The following ABAT variants were observed in gnomAD, a reference collection of about 807,000 sequenced individuals.
The protein encoded by ABAT is 4-aminobutyrate aminotransferase, also known as 4-aminobutyrate aminotransferase, mitochondrial.
In ABAT, 45 loss-of-function variants were observed where a neutral mutation model predicts 64.6. That is an observed-to-expected ratio of 0.70 (90% CI 0.55 to 0.89). The LOEUF (loss-of-function observed/expected upper bound fraction) is 0.89, where lower values mean the gene tolerates loss of function less well. Among genes scored for constraint, ABAT ranks in the 40% least tolerant of loss-of-function variants. ABAT has a pLI of 0.00. For missense variants in ABAT, 633 were observed against 658.4 expected (o/e 0.96, Z 0.42); for synonymous variants, 297 against 250.5 (o/e 1.19, Z -1.75).
intron 1 of ABAT, among the ~76,000 whole-genome samples, chr16:8,721,250 C>A (rs1260726357): frequency 6.6e-6 from 1 of 152,190 alleles, no homozygotes; most frequent in Non-Finnish European, 1.5e-5. Flanking sequence ...GCACCTCACA[C>A]TCTGCCTCCA....
chr16:8,692,120 T>G (rs1307291093), intron 1 of ABAT, among the ~76,000 whole-genome samples: 1 of 152,116 alleles, frequency 6.6e-6, no homozygotes. Context: ...TGGGCTCATG[T>G]CTGTAATCCC....
At chr16:8,688,448 G>A (rs2057506678) in intron 1 of ABAT, among the ~76,000 whole-genome samples, 1 of 152,046 alleles carries the variant, frequency 6.6e-6, no homozygotes, top group Non-Finnish European at 1.5e-5. Flanking sequence ...TTCCCTTCCT[G>A]TACCTTTATT....
intron 2 of ABAT, chr16:8,738,482 T>C: frequency 4.4e-6 from 2 of 455,928 alleles, no homozygotes; most frequent in Non-Finnish European, 4.4e-6. Flanking sequence ...ATTTGTCTCA[T>C]CTTCCATGGC....
At chr16:8,710,710 GAGAGAGAGAGAGA>G (rs2058048557) in intron 1 of ABAT, among the ~76,000 whole-genome samples, 2 of 144,838 alleles carry the variant, frequency 1.4e-5, no homozygotes, top group Non-Finnish European at 3.0e-5. Flanking sequence ...GAGAGAGAGA[GAGAGAGAGAGAGA>G]GAGAGAGGAA....
intron 2 of ABAT, among the ~76,000 whole-genome samples, chr16:8,739,351 C>T (rs773903017): frequency 1.3e-5 from 2 of 152,194 alleles, no homozygotes; most frequent in Non-Finnish European, 1.5e-5. Context: ...ATCCAAGCCT[C>T]GGTTTTCTCA....
chr16:8,730,831 A>T (rs2058697332), intron 1 of ABAT, among the ~76,000 whole-genome samples: 1 of 152,188 alleles, frequency 6.6e-6, no homozygotes, highest in African/African-American at 2.4e-5. Flanking sequence ...GATATCTCTC[A>T]ACCCCAACGC....
rs149177959 is a variant in ABAT, at chr16:8,703,067, T to C, written c.-42+28356T>C. ...GACGAACACCTCTCTACTGTCAATG[T>C]ATTGTTTTTACGGGTACCTTGTATT... is the stretch of plus-strand genomic sequence containing the variant. On this transcript the variant is annotated intron_variant, in intron 1 of 15. Transcript: ENST00000268251. 4.2e-3 allele frequency among the ~76,000 whole-genome samples: 646 copies of C among 152,048 alleles called. 3 individuals are homozygous for C. Among genetic ancestry groups the C allele is most frequent in the Non-Finnish European group, 6.9e-3 (470 of 67,994 alleles).
At chr16:8,751,617 A>G (rs1046986153) in intron 5 of ABAT, among the ~76,000 whole-genome samples, 1 of 152,212 alleles carries the variant, frequency 6.6e-6, no homozygotes, top group African/African-American at 2.4e-5. Flanking sequence ...CCAGCCAGTC[A>G]TCGCCCATCA....
In ABAT at chr16:8,733,342, T is replaced by C. The variant is rs1352594245; in HGVS notation, c.-41-2357T>C. On this transcript the variant is annotated intron_variant, in intron 1 of 15. Coordinates refer to ENST00000268251, the MANE Select transcript of ABAT (RefSeq NM_020686.6). ...GGCCGGGCGGAGACGCTCCTCACTT[T>C]CCAGACTGGGCAGCCAGGCCGAGGG... 4.7e-5 allele frequency among the ~76,000 whole-genome samples: 7 copies of C among 149,896 alleles called. No individual in the cohort carries two copies. In the East Asian group the frequency reaches 5.9e-4, roughly 13 times the overall value.
chr16:8,681,581 T>C (rs2057334413), intron 1 of ABAT, among the ~76,000 whole-genome samples: 1 of 149,734 alleles, frequency 6.7e-6, no homozygotes, highest in Admixed American at 6.7e-5. Flanking sequence ...TTTGCAGAAA[T>C]AGTTAGGTTG....
intron 1 of ABAT, among the ~76,000 whole-genome samples, chr16:8,686,898 G>A (rs1188701331): frequency 1.3e-5 from 2 of 152,234 alleles, no homozygotes; most frequent in African/African-American, 4.8e-5. Context: ...GGTATGTGGA[G>A]AAAGTCTGAA....
intron 15 of ABAT, chr16:8,780,757 CA>C (rs2060410620): frequency 5.2e-6 from 1 of 192,152 alleles, no homozygotes; most frequent in Admixed American, 5.9e-5. Flanking sequence ...CGCGAGACTC[CA>C]TCTCTAAAAA....
intron 1 of ABAT, among the ~76,000 whole-genome samples, chr16:8,712,211 A>G (rs1013136612): frequency 6.6e-6 from 1 of 152,198 alleles, no homozygotes; most frequent in South Asian, 2.1e-4. Context: ...AGCCTGGATG[A>G]CAGAGCAAGA....
At position 8,764,523 on chromosome 16, in the gene ABAT, C is replaced by T. The variant is rs896576754; in HGVS notation, c.448-215C>T. Among the ~76,000 whole-genome samples, 6 of 152,214 alleles carry T rather than the reference C, an allele frequency of 3.9e-5. No homozygotes were observed. The highest frequency in any genetic ancestry group is 5.9e-5 in the Non-Finnish European group (4 of 68,038). ...TGCATCAGGAGTGGGCTTTTGCCCC[C>T]CTTCTTTCCTCTCTGCCAGCCTCAG... On this transcript the variant is annotated intron_variant, in intron 7 of 15. Coordinates refer to ENST00000268251, the MANE Select transcript of ABAT (RefSeq NM_020686.6). The surrounding 1 kb of genome is among the most constrained non-coding windows in gnomAD (Gnocchi z 4.2).
At chr16:8,770,059 A>G (rs1567313808) in intron 11 of ABAT, among the ~76,000 whole-genome samples, 2 of 152,190 alleles carry the variant, frequency 1.3e-5, no homozygotes, top group African/African-American at 4.8e-5. Context: ...ATATGTAATT[A>G]TAGCTTTTCC....
At chr16:8,702,117 T>C (rs2057836758) in intron 1 of ABAT, among the ~76,000 whole-genome samples, 1 of 152,120 alleles carries the variant, frequency 6.6e-6, no homozygotes, top group Non-Finnish European at 1.5e-5. Flanking sequence ...CATTGGATCA[T>C]GGTTCTGCGG....
Position 8,735,814 on chromosome 16 carries a change from G to A in ABAT, c.70+5G>A. ...GCTACCGCCTGCTGGTGCCTGGTAA[G>A]CCCCGGGGGTCTTGATAAGAACTGG... On this transcript the variant is annotated splice_donor_5th_base_variant and intron_variant, in intron 2 of 15. Coordinates refer to ENST00000268251, the MANE Select transcript of ABAT (RefSeq NM_020686.6). The A allele has an allele frequency of 6.3e-7, 1 of 1,599,192 alleles. No individual in the cohort carries two copies. Among genetic ancestry groups the A allele is most frequent in the Non-Finnish European group, 8.5e-7 (1 of 1,173,028 alleles).
intron 1 of ABAT, among the ~76,000 whole-genome samples, chr16:8,703,297 A>C (rs559050915): frequency 1.9e-3 from 289 of 152,220 alleles, no homozygotes; most frequent in African/African-American, 6.2e-3. Context: ...TCTACTAAAA[A>C]TACAAAAAAT....
rs950427105 is a variant in ABAT at position 8,687,025 on chromosome 16, G to T, written c.-42+12314G>T. ...TGGGTGGAGGTGAAGGCATGCTGAA[G>T]CTTGCTGAACCACTCCCGGATCATA... On this transcript the variant is annotated intron_variant, in intron 1 of 15. Transcript: ENST00000268251. Among the ~76,000 whole-genome samples the T allele has an allele frequency of 3.9e-5, 6 of 152,296 alleles. No individual in the cohort carries two copies. In the South Asian group the frequency reaches 1.2e-3, roughly 32 times the overall value.
Sources: allele counts gnomAD v4.1 joint callset (sites outside exome capture counted in the v4.1 genomes callset), GRCh38; gene constraint gnomAD v4.1.1; non-coding constraint Gnocchi (gnomAD v3.1); transcripts MANE v1.5; gene names NCBI Gene and HGNC (gene_info 2026-07-23, HGNC 2026-07-21).